Variants in EPHA6 observed in about 807,000 individuals in gnomAD.
EPHA6 encodes the protein EPH receptor A6, also known as ephrin type-A receptor 6.
EPHA6 carries 50 observed loss-of-function variants against 112.0 expected under a neutral mutation model. The observed-to-expected ratio is 0.45, with a 90% confidence interval of 0.36 to 0.56. The LOEUF (loss-of-function observed/expected upper bound fraction) is 0.56. Ranked by LOEUF, EPHA6 falls within the 20% of genes least tolerant of loss-of-function variation. The probability of loss-of-function intolerance (pLI) is 0.00; values close to 1 mark genes in which losing one functional copy is unlikely to be tolerated. For missense variants in EPHA6, 1,280 were observed against 1,417.4 expected (o/e 0.90, Z 1.56); for synonymous variants, 529 against 490.7 (o/e 1.08, Z -1.03).
chr3:96,919,473 G>A (rs2039651634), intron 2 of EPHA6, among the ~76,000 whole-genome samples: 2 of 151,876 alleles, frequency 1.3e-5, no homozygotes, highest in South Asian at 4.1e-4. Flanking sequence ...TATCTACAAA[G>A]GAGTGTTGTC....
chr3:97,717,012 A>G (rs1315810655), intron 14 of EPHA6, among the ~76,000 whole-genome samples: 1 of 152,076 alleles, frequency 6.6e-6, no homozygotes, highest in Non-Finnish European at 1.5e-5. Context: ...GGAGTTCAAT[A>G]TGGACCATCA....
intron 3 of EPHA6, among the ~76,000 whole-genome samples, chr3:97,110,626 G>A (rs1165884777): frequency 6.6e-6 from 1 of 152,022 alleles, no homozygotes. Context: ...CAGGGTTCAA[G>A]CGATCCTCCC....
intron 3 of EPHA6, among the ~76,000 whole-genome samples, chr3:97,215,365 G>A (rs1250826911): frequency 6.6e-6 from 1 of 152,200 alleles, no homozygotes; most frequent in Non-Finnish European, 1.5e-5. Flanking sequence ...GGCTTCAGCT[G>A]TGTTTCAATC....
intron 2 of EPHA6, among the ~76,000 whole-genome samples, chr3:96,897,374 A>C (rs764630716): frequency 6.6e-5 from 10 of 152,256 alleles, no homozygotes; most frequent in Admixed American, 1.3e-4. Flanking sequence ...AGGTGCTAAC[A>C]CCTGACCATA....
intron 12 of EPHA6, among the ~76,000 whole-genome samples, chr3:97,606,869 T>G (rs767656360): frequency 5.3e-5 from 8 of 150,602 alleles, no homozygotes; most frequent in Admixed American, 1.3e-4. Context: ...GTCCAAAGAG[T>G]CCTGAGTTGC....
chr3:97,286,971 A>T (rs2080486830), intron 5 of EPHA6, among the ~76,000 whole-genome samples: 1 of 150,272 alleles, frequency 6.7e-6, no homozygotes. Flanking sequence ...GATTAAATTT[A>T]TTCCTAGGTT....
At chr3:96,852,056 C>T (rs2107375697) in intron 1 of EPHA6, among the ~76,000 whole-genome samples, 1 of 152,180 alleles carries the variant, frequency 6.6e-6, no homozygotes, top group South Asian at 2.1e-4. Context: ...AGCTCAGTTT[C>T]ATCATTATTA....
At chr3:97,684,906 C>T (rs561940132) in intron 14 of EPHA6, among the ~76,000 whole-genome samples, 10 of 152,134 alleles carry the variant, frequency 6.6e-5, no homozygotes, top group Non-Finnish European at 1.5e-4. Flanking sequence ...GATAATACAG[C>T]GTGTACAATT....
chr3:97,051,896 A>G (rs2045695068), intron 3 of EPHA6, among the ~76,000 whole-genome samples: 1 of 152,112 alleles, frequency 6.6e-6, no homozygotes, highest in Non-Finnish European at 1.5e-5. Flanking sequence ...TCATGATATC[A>G]TACATCTAAT....
intron 12 of EPHA6, among the ~76,000 whole-genome samples, chr3:97,604,716 C>G (rs1419761208): frequency 6.6e-6 from 1 of 151,556 alleles, no homozygotes; most frequent in Non-Finnish European, 1.5e-5. Context: ...GCTAAAATAA[C>G]TTCCCTAAGA....
intron 3 of EPHA6, among the ~76,000 whole-genome samples, chr3:96,995,393 C>T (rs2043382947): frequency 6.6e-6 from 1 of 152,108 alleles, no homozygotes; most frequent in Non-Finnish European, 1.5e-5. Flanking sequence ...TTCTCACACA[C>T]TGAATATAAA....
chr3:96,823,809 T>G (rs113531382), intron 1 of EPHA6, among the ~76,000 whole-genome samples: 1,584 of 151,908 alleles, frequency 0.01, 27 homozygotes, highest in African/African-American at 0.036. Context: ...CTATTTCATG[T>G]GTTCAATTTA....
At chr3:97,674,276 A>G (rs896852457) in intron 14 of EPHA6, among the ~76,000 whole-genome samples, 4 of 152,196 alleles carry the variant, frequency 2.6e-5, no homozygotes, top group African/African-American at 9.6e-5. Flanking sequence ...TAATAAGGCT[A>G]CATTGGTTAC....
intron 11 of EPHA6, among the ~76,000 whole-genome samples, chr3:97,580,941 A>T (rs1222743082): frequency 6.6e-6 from 1 of 152,216 alleles, no homozygotes; most frequent in Non-Finnish European, 1.5e-5. Flanking sequence ...CTTCGAGGCC[A>T]TAGTTGAGGT....
At chr3:97,042,372 G>A (rs2045347460) in intron 3 of EPHA6, among the ~76,000 whole-genome samples, 1 of 152,006 alleles carries the variant, frequency 6.6e-6, no homozygotes, top group Non-Finnish European at 1.5e-5. Context: ...CAGAAGCTGA[G>A]CAGATGCCCA....
chr3:97,222,714 C>A (rs372396401), intron 3 of EPHA6, among the ~76,000 whole-genome samples: 26 of 152,258 alleles, frequency 1.7e-4, no homozygotes, highest in African/African-American at 5.8e-4. Context: ...TATGCATAAT[C>A]TTCTACAGGA....
intron 2 of EPHA6, among the ~76,000 whole-genome samples, chr3:96,974,176 T>C (rs1052083334): frequency 2.1e-5 from 3 of 143,072 alleles, no homozygotes; most frequent in African/African-American, 5.4e-5. Context: ...ATTACACTTA[T>C]AATAATTACA....
chr3:97,484,319 T>G (rs61220571), intron 10 of EPHA6, among the ~76,000 whole-genome samples: 10,352 of 152,146 alleles, frequency 0.068, 1,089 homozygotes, highest in African/African-American at 0.23. Context: ...AATGAAACTA[T>G]AATTTTTAGG....
At chr3:97,626,410 C>A (rs528650663) in intron 13 of EPHA6, among the ~76,000 whole-genome samples, 2 of 151,628 alleles carry the variant, frequency 1.3e-5, no homozygotes, top group South Asian at 4.2e-4. Context: ...CACTCAACTC[C>A]CCAAATGTAA....
Sources: gnomAD v4.1 joint callset for allele counts (sites outside exome capture counted in the v4.1 genomes callset) on GRCh38, gnomAD v4.1.1 for gene constraint, MANE v1.5 for transcripts, NCBI Gene and HGNC (gene_info 2026-07-23, HGNC 2026-07-21) for gene names.